Variants in SPAG17 observed in about 807,000 individuals in gnomAD.
SPAG17 encodes the protein sperm associated antigen 17.
SPAG17 carries 169 observed loss-of-function variants against 273.6 expected under a neutral mutation model. That is an observed-to-expected ratio of 0.62 (90% CI 0.55 to 0.70). The LOEUF (loss-of-function observed/expected upper bound fraction) is 0.70, where lower values mean the gene tolerates loss of function less well. Ranked by LOEUF, SPAG17 falls within the 30% of genes least tolerant of loss-of-function variation. The pLI is 0.00. For synonymous variants in SPAG17, 825 were observed against 873.2 expected (o/e 0.94, Z 0.97); for missense variants, 2,557 against 2,627.8 (o/e 0.97, Z 0.59).
chr1:118,081,411 G>A lies in SPAG17; in HGVS notation c.1990+4C>T, dbSNP rs753484759. ...ATGCTTTCCATTCCCTCCATGCAGT[G>A]TACCTGCTTTCTGCTTGGCCTCTTG... On this transcript the variant is annotated splice_donor_region_variant and intron_variant, in intron 14 of 48. Transcript: ENST00000336338. 6.2e-7 allele frequency: 1 copy of A among 1,613,206 alleles called. No homozygotes were observed. The highest frequency in any genetic ancestry group is 8.5e-7 in the Non-Finnish European group (1 of 1,179,480).
intron 29 of SPAG17, among the ~76,000 whole-genome samples, chr1:118,015,464 TCTCTTTCAATATACCATAAG>T: frequency 6.6e-6 from 1 of 152,236 alleles, no homozygotes; most frequent in South Asian, 2.1e-4. Flanking sequence ...GTGTGTCTTA[TCTCTTTCAATATACCATAAG>T]TTTTTCCAAA....
At chr1:118,051,756 TATAATATA>T (rs1651044258) in intron 20 of SPAG17, among the ~76,000 whole-genome samples, 1 of 144,650 alleles carries the variant, frequency 6.9e-6, no homozygotes, top group Non-Finnish European at 1.5e-5. Flanking sequence ...TTATATATAG[TATAATATA>T]ATATAACATA....
At chr1:118,092,482 C>T (rs932207812) in intron 8 of SPAG17, among the ~76,000 whole-genome samples, 3 of 152,190 alleles carry the variant, frequency 2.0e-5, no homozygotes, top group Non-Finnish European at 4.4e-5. Context: ...ACTGAACTAC[C>T]CTGTGCTCCT....
At chr1:118,120,694 A>G (rs1459331171) in intron 3 of SPAG17, among the ~76,000 whole-genome samples, 1 of 152,176 alleles carries the variant, frequency 6.6e-6, no homozygotes, top group Non-Finnish European at 1.5e-5. Context: ...CAGGGCTGGT[A>G]TGGGGCAAGA....
intron 29 of SPAG17, among the ~76,000 whole-genome samples, chr1:118,014,328 C>T (rs1659757899): frequency 6.6e-6 from 1 of 152,106 alleles, no homozygotes; most frequent in African/African-American, 2.4e-5. Context: ...AATCCAGGTT[C>T]TTGGATGCTG....
intron 3 of SPAG17, among the ~76,000 whole-genome samples, chr1:118,131,777 C>A (rs1658065527): frequency 6.6e-6 from 1 of 152,192 alleles, no homozygotes; most frequent in Non-Finnish European, 1.5e-5. Flanking sequence ...GAAGGGTGCA[C>A]TGTTGATGTT....
intron 45 of SPAG17, 36 bp downstream of exon 45, chr1:117,971,827 G>C (rs769165869): frequency 6.4e-7 from 1 of 1,569,228 alleles, no homozygotes; most frequent in Admixed American, 1.8e-5. Context: ...GGTAGGGAAA[G>C]GTAACCTGAG....
chr1:117,984,740 C>T lies in SPAG17; in HGVS notation c.5712G>A (p.Lys1904=), dbSNP rs753068509. ...TAAAAAAGGGTGGTATTATGCGGTT[C>T]TTAATATCCATTAGGTAATTCTGTG... The part of the protein sequence containing the change: ...ETTQNYLMDI[K]NRIIPPFFKS... The change falls in exon 41 of 49, where the codon AAG becomes AAA. Residue 1904 remains lysine, a synonymous_variant. Transcript: ENST00000336338. The T allele has an allele frequency of 6.2e-7, 1 of 1,611,590 alleles. No individual in the cohort carries two copies. The highest frequency in any genetic ancestry group is 2.2e-5 in the East Asian group (1 of 44,728).
chr1:118,030,582 C>T (rs560498874), intron 25 of SPAG17, among the ~76,000 whole-genome samples: 1 of 152,196 alleles, frequency 6.6e-6, no homozygotes, highest in East Asian at 1.9e-4. Context: ...CTAATGCTCT[C>T]CTGCTCCTTG....
chr1:118,026,158 G>A (rs1230376887), intron 26 of SPAG17, among the ~76,000 whole-genome samples: 2 of 152,134 alleles, frequency 1.3e-5, no homozygotes, highest in African/African-American at 2.4e-5. Flanking sequence ...CCTTTCCTAA[G>A]TCATCTGTCA....
intron 17 of SPAG17, among the ~76,000 whole-genome samples, chr1:118,072,349 C>T (rs572901302): frequency 1.3e-5 from 2 of 152,120 alleles, no homozygotes; most frequent in African/African-American, 4.8e-5. Flanking sequence ...AGAGAGTAAC[C>T]GGAGAGGGAA....
At chr1:118,143,713 G>C (rs1558042301) in intron 3 of SPAG17, among the ~76,000 whole-genome samples, 1 of 152,126 alleles carries the variant, frequency 6.6e-6, no homozygotes, top group Non-Finnish European at 1.5e-5. Flanking sequence ...CAATCTTCTT[G>C]ATTCCTTCCC....
intron 31 of SPAG17, 73 bp downstream of exon 31, chr1:118,007,971 C>T (rs10923465): frequency 6.4e-7 from 1 of 1,573,724 alleles, no homozygotes; most frequent in Non-Finnish European, 8.7e-7. Context: ...ATTTTTACTG[C>T]CCCAGAGAAG....
intron 1 of SPAG17, among the ~76,000 whole-genome samples, chr1:118,174,923 C>T (rs911867686): frequency 6.6e-6 from 1 of 152,150 alleles, no homozygotes; most frequent in Admixed American, 6.5e-5. Context: ...CAAGCCTCTG[C>T]TACCTTAAGC....
At chr1:118,080,214 G>A (rs112463599) in intron 15 of SPAG17, among the ~76,000 whole-genome samples, 2 of 152,240 alleles carry the variant, frequency 1.3e-5, no homozygotes, top group African/African-American at 4.8e-5. Flanking sequence ...CAGAAGTGTA[G>A]CTTAATTATG....
rs768131154 is a variant in SPAG17, at chr1:118,054,012, C to G, written c.2804G>C (p.Gly935Ala). 1.1e-5 allele frequency: 17 copies of G among 1,605,772 alleles called. No individual in the cohort carries two copies. The East Asian group carries it at 1.6e-4, about 15-fold the overall frequency. ...EKEKIPFILE[G>A]SLKAWKEEQH... ...TGTAAGCTGGATTACCTTGAGAGAG[C>G]CTTCTAAAATGAAAGGAATCTTTTC... is the stretch of plus-strand genomic sequence containing the variant. Residue 935 changes from glycine (G) to alanine (A), a missense_variant, in exon 20 of 49, where the codon GGC becomes GCC. Transcript: ENST00000336338.
intron 1 of SPAG17, among the ~76,000 whole-genome samples, chr1:118,183,329 C>T (rs550961802): frequency 1.9e-4 from 29 of 152,168 alleles, no homozygotes; most frequent in Non-Finnish European, 3.4e-4. Flanking sequence ...AACCTAAATT[C>T]AGAGTCCGTT....
intron 3 of SPAG17, among the ~76,000 whole-genome samples, chr1:118,122,151 G>A (rs1657459199): frequency 8.3e-6 from 1 of 120,226 alleles, no homozygotes. Context: ...GTGTCTGTGT[G>A]TCTGTGTGTG....
In SPAG17 at chr1:117,953,764, C is replaced by A; in HGVS notation, c.*286G>T. The A allele has an allele frequency of 1.6e-6, 1 of 609,528 alleles. No homozygotes were observed. The highest frequency in any genetic ancestry group is 2.9e-6 in the Non-Finnish European group (1 of 349,246). 37.8% of individuals were successfully genotyped at this position (609,528 alleles called of 1,614,324 possible). A position where few individuals can be genotyped will look rare whatever the true frequency, so the allele number is the denominator to read the frequency against. ...CCTTTCAGGTGTTCCTGGGACCTGC[C>A]CTATTCAGAGTGTCTAGATATCATC... On this transcript the variant is annotated 3_prime_UTR_variant, in exon 49 of 49. Coordinates refer to ENST00000336338, the MANE Select transcript of SPAG17 (RefSeq NM_206996.4).
Sources: allele counts gnomAD v4.1 joint callset (sites outside exome capture counted in the v4.1 genomes callset), GRCh38; gene constraint gnomAD v4.1.1; transcripts MANE v1.5; gene names NCBI Gene and HGNC (gene_info 2026-07-23, HGNC 2026-07-21).